ADCY8: variants seen among roughly 807,000 people sequenced by gnomAD.
ADCY8 encodes adenylate cyclase 8, also known as adenylate cyclase type 8.
A neutral mutation model predicts 119.7 loss-of-function variants in ADCY8; 51 were observed. That is an observed-to-expected ratio of 0.43 (90% CI 0.34 to 0.54). The LOEUF (loss-of-function observed/expected upper bound fraction) is 0.54, where lower values mean the gene tolerates loss of function less well. Ranked by LOEUF, ADCY8 falls within the 20% of genes least tolerant of loss-of-function variation. The pLI is 0.03. For missense variants in ADCY8, 1,383 were observed against 1,598.8 expected, an observed-to-expected ratio of 0.87 and a Z score of 2.30; for synonymous variants, 665 against 651.0, an observed-to-expected ratio of 1.02 and a Z score of -0.33.
intron 7 of ADCY8, among the ~76,000 whole-genome samples, chr8:130,888,313 G>T (rs1161901482): frequency 6.6e-6 from 1 of 151,828 alleles, no homozygotes; most frequent in Non-Finnish European, 1.5e-5. Flanking sequence ...TACTTAGCTG[G>T]TGTTTTTGAT....
chr8:130,856,830 T>C (rs1245650787), intron 9 of ADCY8, among the ~76,000 whole-genome samples: 5 of 151,992 alleles, frequency 3.3e-5, no homozygotes, highest in Non-Finnish European at 5.9e-5. Context: ...TTGTCATCTT[T>C]TTTTTTTGTC....
intron 1 of ADCY8, among the ~76,000 whole-genome samples, chr8:131,005,094 T>G (rs4389913): frequency 0.024 from 3,714 of 152,276 alleles, 49 homozygotes; most frequent in East Asian, 0.056. Flanking sequence ...AATTACAGTC[T>G]CTTCACATGC....
At chr8:130,968,174 CTTT>C (rs113345725) in intron 2 of ADCY8, among the ~76,000 whole-genome samples, 6 of 142,788 alleles carry the variant, frequency 4.2e-5, no homozygotes, top group Admixed American at 7.0e-5. Context: ...AGTTATTCTG[CTTT>C]TTTTTTTTTT....
chr8:131,022,427 C>A (rs1823701386), intron 1 of ADCY8, among the ~76,000 whole-genome samples: 1 of 152,146 alleles, frequency 6.6e-6, no homozygotes, highest in African/African-American at 2.4e-5. Context: ...CCAGCTTCAT[C>A]CATGTCCCTG....
intron 12 of ADCY8, among the ~76,000 whole-genome samples, chr8:130,828,221 G>A (rs1301061988): frequency 6.6e-6 from 1 of 152,204 alleles, no homozygotes; most frequent in East Asian, 1.9e-4. Context: ...TGTATGCAAT[G>A]TGGGGGAAAT....
At chr8:130,787,149 T>A (rs1815273675) in intron 15 of ADCY8, among the ~76,000 whole-genome samples, 1 of 151,952 alleles carries the variant, frequency 6.6e-6, no homozygotes, top group Admixed American at 6.6e-5. Context: ...GTCTCTATGC[T>A]AAGAGTAGTG....
At chr8:130,964,526 C>T (rs1010527658) in intron 2 of ADCY8, among the ~76,000 whole-genome samples, 1 of 152,148 alleles carries the variant, frequency 6.6e-6, no homozygotes, top group African/African-American at 2.4e-5. Context: ...TTTGGGAAGA[C>T]TTTGTAATGC....
chr8:130,992,140 T>G (rs771672795), intron 1 of ADCY8, among the ~76,000 whole-genome samples: 4 of 149,304 alleles, frequency 2.7e-5, no homozygotes, highest in Non-Finnish European at 5.9e-5. Context: ...AGTGCAGTAG[T>G]GTGATACTGG....
At chr8:130,810,917 G>A (rs1425137521) in intron 14 of ADCY8, among the ~76,000 whole-genome samples, 6 of 152,216 alleles carry the variant, frequency 3.9e-5, no homozygotes, top group South Asian at 2.1e-4. Flanking sequence ...CTGGTCCTAT[G>A]TGCCTCACTG....
intron 11 of ADCY8, among the ~76,000 whole-genome samples, chr8:130,844,228 C>A (rs1310335031): frequency 6.6e-6 from 1 of 152,162 alleles, no homozygotes; most frequent in Non-Finnish European, 1.5e-5. Flanking sequence ...GATAATGACA[C>A]TCTGGGTTTG....
At chr8:131,015,569 G>T (rs928136) in intron 1 of ADCY8, among the ~76,000 whole-genome samples, 3 of 152,080 alleles carry the variant, frequency 2.0e-5, no homozygotes, top group African/African-American at 7.2e-5. Flanking sequence ...GTCCAGAAAG[G>T]CTTATTGTCT....
intron 1 of ADCY8, among the ~76,000 whole-genome samples, chr8:130,992,415 A>G (rs756378938): frequency 0.5 from 62,528 of 125,082 alleles, 18,029 homozygotes; most frequent in East Asian, 0.84. Context: ...ATATATATAT[A>G]TATATATATA....
chr8:131,039,555 G>T lies in ADCY8; in HGVS notation c.779C>A (p.Ala260Glu), dbSNP rs371846387. The T allele has an allele frequency of 6.2e-7, 1 of 1,613,586 alleles. No individual in the cohort carries two copies. The highest frequency in any genetic ancestry group is 8.5e-7 in the Non-Finnish European group (1 of 1,180,024). Residue 260 changes from alanine (A) to glutamate (E), a missense_variant, in exon 1 of 18, where the codon GCA becomes GAA. By Grantham distance (107) the Ala-to-Glu change is moderately radical (BLOSUM62 -1). Transcript: ENST00000286355. ...WVAMTTQILA[A>E]GLGYGLLGDG... ...GCCCAGGAGCCCGTAGCCGAGGCCT[G>T]CTGCCAGGATCTGGGTGGTCATGGC... is the stretch of plus-strand genomic sequence containing the variant.
At chr8:130,905,157 C>T (rs116187309) in intron 6 of ADCY8, among the ~76,000 whole-genome samples, 245 of 152,266 alleles carry the variant, frequency 1.6e-3, no homozygotes, top group African/African-American at 5.4e-3. Flanking sequence ...ACAACATATA[C>T]ACTATAAAAG....
At chr8:130,840,721 G>A (rs1817113102) in intron 11 of ADCY8, among the ~76,000 whole-genome samples, 2 of 152,008 alleles carry the variant, frequency 1.3e-5, no homozygotes, top group South Asian at 4.2e-4. Context: ...ACAGTGTTTT[G>A]GGGTAAATCC....
At chr8:130,820,218 T>G (rs147368934) in intron 13 of ADCY8, among the ~76,000 whole-genome samples, 1,655 of 152,328 alleles carry the variant, frequency 0.011, 40 homozygotes, top group African/African-American at 0.035. Context: ...TCCCCTTTAT[T>G]ACAAATAACT....
intron 2 of ADCY8, among the ~76,000 whole-genome samples, chr8:130,985,951 C>T (rs1181495576): frequency 6.6e-6 from 1 of 152,178 alleles, no homozygotes; most frequent in Admixed American, 6.5e-5. Context: ...GCTTCTGAGA[C>T]ACCTCGAAAT....
At chr8:130,896,433 C>T (rs909144517) in intron 7 of ADCY8, among the ~76,000 whole-genome samples, 10 of 152,194 alleles carry the variant, frequency 6.6e-5, no homozygotes, top group Non-Finnish European at 8.8e-5. Flanking sequence ...TTTTTTTGCA[C>T]GCCTTCATAT....
intron 15 of ADCY8, among the ~76,000 whole-genome samples, chr8:130,798,528 G>A (rs1195008598): frequency 6.6e-6 from 1 of 152,156 alleles, no homozygotes; most frequent in Non-Finnish European, 1.5e-5. Flanking sequence ...AAGAGGTAAG[G>A]CTGAGAGGAG....
Sources: gnomAD v4.1 joint callset for allele counts (sites outside exome capture counted in the v4.1 genomes callset) on GRCh38, gnomAD v4.1.1 for gene constraint, MANE v1.5 for transcripts, NCBI Gene and HGNC (gene_info 2026-07-23, HGNC 2026-07-21) for gene names.